ST6GALNAC3: variants seen among roughly 807,000 people sequenced by gnomAD.
ST6GALNAC3 encodes the protein alpha-N-acetylgalactosaminide alpha-2,6-sialyltransferase 3.
In ST6GALNAC3, 25 loss-of-function variants were observed where a neutral mutation model predicts 32.7. The observed-to-expected ratio is 0.76, with a 90% confidence interval of 0.56 to 1.07. The LOEUF is 1.07. ST6GALNAC3 is among the 50% of genes least tolerant of loss of function. ST6GALNAC3 has a pLI of 0.00. For synonymous variants in ST6GALNAC3, 129 were observed against 133.1 expected (o/e 0.97, Z 0.21); for missense variants, 355 against 382.4 (o/e 0.93, Z 0.60).
chr1:76,151,281 G>A (rs1016461936), intron 1 of ST6GALNAC3, among the ~76,000 whole-genome samples: 13 of 152,082 alleles, frequency 8.5e-5, no homozygotes, highest in African/African-American at 3.1e-4. Context: ...GGGGGCAAGG[G>A]GTGACGTTAA....
At chr1:76,287,062 C>CT (rs34507630) in intron 1 of ST6GALNAC3, among the ~76,000 whole-genome samples, 6,440 of 152,242 alleles carry the variant, frequency 0.042, 448 homozygotes, top group African/African-American at 0.15. Context: ...TTGATGATAA[C>CT]TTTTTTAAAA....
intron 3 of ST6GALNAC3, among the ~76,000 whole-genome samples, chr1:76,434,789 T>G (rs1397589148): frequency 1.4e-5 from 2 of 138,742 alleles, no homozygotes; most frequent in South Asian, 2.4e-4. Flanking sequence ...TCTCTGTTTT[T>G]TTTTTTTTTT....
At position 76,324,050 on chromosome 1, in the gene ST6GALNAC3, T is replaced by C. The variant is rs7534037; in HGVS notation, c.213+10051T>C. 1.2e-3 allele frequency among the ~76,000 whole-genome samples: 182 copies of C among 152,166 alleles called. 1 individual carries two copies. Among genetic ancestry groups the C allele is most frequent in the African/African-American group, 4.1e-3 (172 of 41,526 alleles). ...TAATTTTTGTGTTTTAGTAAAGACATGGTTTCACCATGTTGCCCAAGGTGG... is the reference window on the plus strand; with the variant it reads ...TAATTTTTGTGTTTTAGTAAAGACACGGTTTCACCATGTTGCCCAAGGTGG... On this transcript the variant is annotated intron_variant, in intron 2 of 4. Transcript: ENST00000328299.
intron 1 of ST6GALNAC3, among the ~76,000 whole-genome samples, chr1:76,243,103 C>T (rs1657058542): frequency 6.6e-6 from 1 of 152,182 alleles, no homozygotes; most frequent in Non-Finnish European, 1.5e-5. Flanking sequence ...TCTCCACATC[C>T]TCTCCAGAAT....
intron 1 of ST6GALNAC3, among the ~76,000 whole-genome samples, chr1:76,237,270 A>G (rs1656709103): frequency 6.6e-6 from 1 of 152,110 alleles, no homozygotes; most frequent in Non-Finnish European, 1.5e-5. Context: ...GGTAGCTGGG[A>G]CTACAGATGC....
chr1:76,269,033 A>G (rs1425549277), intron 1 of ST6GALNAC3, among the ~76,000 whole-genome samples: 1 of 152,038 alleles, frequency 6.6e-6, no homozygotes, highest in Non-Finnish European at 1.5e-5. Context: ...GCAAAACTGT[A>G]TTTCCCTAGA....
At chr1:76,619,779 GATCAGAAT>G (rs1648522269) in intron 3 of ST6GALNAC3, among the ~76,000 whole-genome samples, 3 of 152,108 alleles carry the variant, frequency 2.0e-5, no homozygotes, top group Non-Finnish European at 2.9e-5. Flanking sequence ...TTAGGGGATA[GATCAGAAT>G]GACTGTGTTC....
intron 3 of ST6GALNAC3, chr1:76,577,151 T>A: frequency 2.8e-6 from 3 of 1,053,784 alleles, no homozygotes; most frequent in Non-Finnish European, 3.5e-6. Flanking sequence ...GTTGTCTCTC[T>A]GTTTTGATCA....
rs35038225 is a variant in ST6GALNAC3, at chr1:76,329,796, C to CTTTATTTA, written c.213+15817_213+15824dup. On this transcript the variant is annotated intron_variant, in intron 2 of 4. Transcript: ENST00000328299. ...CTCCATTTTTATTCTCTTTCTCTCT[C>CTTTATTTA]TTTATTTATTTATTTATTTATTTAT... Among the ~76,000 whole-genome samples the CTTTATTTA allele has an allele frequency of 7.5e-3, 1,127 of 150,336 alleles. 8 individuals carry two copies. The highest frequency in any genetic ancestry group is 0.021 in the African/African-American group (861 of 40,612).
At chr1:76,112,078 C>A (rs572169578) in intron 1 of ST6GALNAC3, among the ~76,000 whole-genome samples, 573 of 148,432 alleles carry the variant, frequency 3.9e-3, no homozygotes, top group Admixed American at 6.1e-3. Flanking sequence ...CTGACCCCCC[C>A]ACCTCCCTCC....
At chr1:76,118,985 G>A (rs932866438) in intron 1 of ST6GALNAC3, among the ~76,000 whole-genome samples, 1 of 152,146 alleles carries the variant, frequency 6.6e-6, no homozygotes, top group Non-Finnish European at 1.5e-5. Context: ...ACCATGCCCA[G>A]CTAATTTTTG....
At chr1:76,565,910 G>A (rs1213369953) in intron 3 of ST6GALNAC3, among the ~76,000 whole-genome samples, 1 of 152,192 alleles carries the variant, frequency 6.6e-6, no homozygotes, top group Non-Finnish European at 1.5e-5. Flanking sequence ...TCTATCATAA[G>A]ATTAGTAAAA....
chr1:76,458,817 C>T (rs1428823902), intron 3 of ST6GALNAC3, among the ~76,000 whole-genome samples: 3 of 150,908 alleles, frequency 2.0e-5, no homozygotes, highest in Non-Finnish European at 2.9e-5. Context: ...CGCACCAACA[C>T]GGCACATGTG....
Position 76,378,400 on chromosome 1 carries a change from G to A in ST6GALNAC3, c.214-33608G>A, listed in dbSNP as rs961737415. ...TTTAAGGCTGAGCACGGTAGCTCAC[G>A]CCTGGAATCCCAGCACTTTGGGAGG... is the stretch of plus-strand genomic sequence containing the variant. On this transcript the variant is annotated intron_variant, in intron 2 of 4. Transcript: ENST00000328299. 2.0e-5 allele frequency among the ~76,000 whole-genome samples: 3 copies of A among 152,158 alleles called. No individual in the cohort carries two copies. The East Asian group carries it at 5.8e-4, about 29-fold the overall frequency.
At chr1:76,355,186 T>C (rs1202029873) in intron 2 of ST6GALNAC3, among the ~76,000 whole-genome samples, 1 of 152,176 alleles carries the variant, frequency 6.6e-6, no homozygotes, top group African/African-American at 2.4e-5. Context: ...GGTCAGAATT[T>C]CTTGAAAATG....
rs114282350 is a variant in ST6GALNAC3, at chr1:76,179,012, C to T, written c.18+104128C>T. 3.7e-3 allele frequency among the ~76,000 whole-genome samples: 568 copies of T among 152,218 alleles called. 4 individuals carry two copies. Among genetic ancestry groups the T allele is most frequent in the African/African-American group, 0.013 (530 of 41,520 alleles). On this transcript the variant is annotated intron_variant, in intron 1 of 4. Transcript: ENST00000328299. ...TTGCTCTGAGTTCTTCTGTCCATTCCCTGCTCGGCTCAGTGGGCTCCTGAG... is the reference window on the plus strand; with the variant it reads ...TTGCTCTGAGTTCTTCTGTCCATTCTCTGCTCGGCTCAGTGGGCTCCTGAG...
At chr1:76,165,914 C>T (rs1652095719) in intron 1 of ST6GALNAC3, among the ~76,000 whole-genome samples, 1 of 151,980 alleles carries the variant, frequency 6.6e-6, no homozygotes, top group African/African-American at 2.4e-5. Flanking sequence ...GATATTAGAC[C>T]TTTGTCAGAT....
chr1:76,523,130 G>A (rs1662654363), intron 3 of ST6GALNAC3, among the ~76,000 whole-genome samples: 1 of 151,974 alleles, frequency 6.6e-6, no homozygotes, highest in Admixed American at 6.6e-5. Flanking sequence ...CTTGAGACAT[G>A]AACCTCCAGT....
chr1:76,482,130 A>G lies in ST6GALNAC3; in HGVS notation c.623+69713A>G, dbSNP rs536633267. Reference sequence around the variant, plus strand: ...AAATTTCTCAAAGAGAATTTTAACAAATTTTCTTTACACACACACACACAC... The same window carrying G: ...AAATTTCTCAAAGAGAATTTTAACAGATTTTCTTTACACACACACACACAC... On this transcript the variant is annotated intron_variant, in intron 3 of 4. Transcript: ENST00000328299. 4.6e-4 allele frequency among the ~76,000 whole-genome samples: 69 copies of G among 149,812 alleles called. 1 individual carries two copies. The Middle Eastern group carries it at 0.017, about 37-fold the overall frequency.
Sources: allele counts gnomAD v4.1 joint callset (sites outside exome capture counted in the v4.1 genomes callset), GRCh38; gene constraint gnomAD v4.1.1; transcripts MANE v1.5; gene names NCBI Gene and HGNC (gene_info 2026-07-23, HGNC 2026-07-21).